The following USH2A variants were observed in gnomAD, a reference collection of about 807,000 sequenced individuals.
USH2A encodes Usher syndrome 2A (autosomal recessive, mild).
Under a neutral mutation model 538.9 loss-of-function variants are expected in USH2A, and 443 were observed. That is an observed-to-expected ratio of 0.82 (90% CI 0.76 to 0.89). The LOEUF is 0.89. Ranked by LOEUF, USH2A falls within the 40% of genes least tolerant of loss-of-function variation. The pLI is 0.00. For synonymous variants in USH2A, 2,413 were observed against 2,273.5 expected, an observed-to-expected ratio of 1.06 and a Z score of -1.75; for missense variants, 6,633 against 6,324.8, an observed-to-expected ratio of 1.05 and a Z score of -1.65.
intron 52 of USH2A, among the ~76,000 whole-genome samples, chr1:215,786,044 G>C (rs1661791501): frequency 6.6e-6 from 1 of 151,860 alleles, no homozygotes; most frequent in South Asian, 2.1e-4. Flanking sequence ...AAATTTAATT[G>C]ATGGCAGAAC....
chr1:215,756,900 G>C (rs976634846), intron 58 of USH2A, among the ~76,000 whole-genome samples: 3 of 151,538 alleles, frequency 2.0e-5, no homozygotes, highest in Admixed American at 2.0e-4. Context: ...GTGACAGAGA[G>C]AGAGACCCGG....
chr1:215,995,153 AT>A (rs1353509380), intron 34 of USH2A, among the ~76,000 whole-genome samples: 1 of 152,160 alleles, frequency 6.6e-6, no homozygotes, highest in Non-Finnish European at 1.5e-5. Context: ...ATAAGTATAT[AT>A]TTTTAAAACA....
rs147603877 is a variant in USH2A, at chr1:215,862,749, T to G, written c.8845+4258A>C. ...ATTACTAATTGTTAAACATATATTA[T>G]TTCATTTAGTCCTTAACAGATTTCA... On this transcript the variant is annotated intron_variant, in intron 44 of 71. Coordinates refer to ENST00000307340, the MANE Select transcript of USH2A (RefSeq NM_206933.4). 4.6e-3 allele frequency among the ~76,000 whole-genome samples: 701 copies of G among 152,282 alleles called. 5 individuals carry two copies. The highest frequency in any genetic ancestry group is 0.016 in the African/African-American group (672 of 41,576).
chr1:215,902,521 G>T (rs866147228), intron 38 of USH2A, among the ~76,000 whole-genome samples: 8 of 152,128 alleles, frequency 5.3e-5, no homozygotes, highest in African/African-American at 7.2e-5. Flanking sequence ...ACATTCAAGT[G>T]GAGGGAGCAG....
intron 40 of USH2A, among the ~76,000 whole-genome samples, chr1:215,890,544 C>A (rs1188693089): frequency 6.6e-6 from 1 of 152,086 alleles, no homozygotes; most frequent in Non-Finnish European, 1.5e-5. Context: ...GGTAATGTAT[C>A]CTATTTGAAG....
chr1:216,365,813 T>C (rs2038585351), intron 3 of USH2A, among the ~76,000 whole-genome samples: 1 of 152,120 alleles, frequency 6.6e-6, no homozygotes, highest in Non-Finnish European at 1.5e-5. Flanking sequence ...ACAGACAATA[T>C]ATAAACAAAT....
intron 58 of USH2A, among the ~76,000 whole-genome samples, chr1:215,755,023 T>C (rs1169954961): frequency 6.6e-6 from 1 of 152,222 alleles, no homozygotes; most frequent in Admixed American, 6.5e-5. Flanking sequence ...GGCACGCCAC[T>C]ACACACCCAG....
chr1:215,846,094 A>G, intron 44 of USH2A, 61 bp from the exon 45 acceptor site: 1 of 1,449,418 alleles, frequency 6.9e-7, no homozygotes, highest in Non-Finnish European at 9.6e-7. Context: ...GAAAAAAAAA[A>G]TTCTATCATT....
chr1:216,014,829 G>A (rs1266043408), intron 32 of USH2A, among the ~76,000 whole-genome samples: 2 of 152,152 alleles, frequency 1.3e-5, no homozygotes, highest in Non-Finnish European at 2.9e-5. Context: ...TGAATTATGT[G>A]CTATTTTACG....
chr1:216,051,893 C>A (rs74143919), intron 30 of USH2A, among the ~76,000 whole-genome samples: 4,144 of 152,230 alleles, frequency 0.027, 210 homozygotes, highest in African/African-American at 0.094. Context: ...CTTTCCAAAT[C>A]ATAACTAGAG....
intron 30 of USH2A, among the ~76,000 whole-genome samples, chr1:216,057,952 A>C (rs1016125658): frequency 6.6e-6 from 1 of 152,220 alleles, no homozygotes; most frequent in Admixed American, 6.5e-5. Context: ...CCCTGAAGCT[A>C]GGTACAGCCA....
chr1:215,915,254 C>G (rs939153624), intron 38 of USH2A, among the ~76,000 whole-genome samples: 1 of 152,012 alleles, frequency 6.6e-6, no homozygotes, highest in Non-Finnish European at 1.5e-5. Flanking sequence ...ATTAGCCAAA[C>G]CAGACCTTTG....
At chr1:215,870,107 T>TTAATGGGGTAGC (rs1664583897) in intron 43 of USH2A, among the ~76,000 whole-genome samples, 1 of 97,146 alleles carries the variant, frequency 1.0e-5, no homozygotes, top group Non-Finnish European at 2.0e-5. Context: ...GCACAACTAG[T>TTAATGGGGTAGC]TAATGGGGTA....
Position 216,217,407 on chromosome 1 carries a change from T to C in USH2A, c.3137A>G (p.Asn1046Ser), listed in dbSNP as rs1170143437. 1.9e-6 allele frequency: 3 copies of C among 1,613,102 alleles called. No individual in the cohort carries two copies. Among genetic ancestry groups the C allele is most frequent in the Non-Finnish European group, 1.7e-6 (2 of 1,179,346 alleles). Residue 1046 changes from asparagine to serine, a missense_variant, in exon 15 of 72, where the codon AAT becomes AGT. By Grantham distance (46) the Asn-to-Ser change is conservative (BLOSUM62 1). Transcript: ENST00000307340. ...VPSASHLDVNNLLGCSKTPFQ... is the reference protein window; with the variant it reads ...VPSASHLDVNSLLGCSKTPFQ... ...CTTACTTTTGCTGCAACCCAATAGATTGTTGACATCCAAGTGGCTTGCACT... is the reference window on the plus strand; with the variant it reads ...CTTACTTTTGCTGCAACCCAATAGACTGTTGACATCCAAGTGGCTTGCACT...
intron 9 of USH2A, among the ~76,000 whole-genome samples, chr1:216,295,887 C>T (rs965129995): frequency 2.6e-5 from 4 of 151,814 alleles, no homozygotes; most frequent in African/African-American, 7.3e-5. Context: ...AATAGTAACA[C>T]ATATTTAGTA....
rs1057070951 is a variant in USH2A, at chr1:215,914,651, C to T, written c.7301-13746G>A. 3.3e-5 allele frequency among the ~76,000 whole-genome samples: 5 copies of T among 152,254 alleles called. No individual in the cohort carries two copies. In the South Asian group the frequency reaches 6.2e-4, roughly 19 times the overall value. ...CTAAGTACCTTGATCTATCCAATAT[C>T]TCCTTAGGGAATTCTTAAGTAGCCA... On this transcript the variant is annotated intron_variant, in intron 38 of 71. Transcript: ENST00000307340.
At chr1:216,052,747 A>G (rs2030836660) in intron 30 of USH2A, among the ~76,000 whole-genome samples, 2 of 152,200 alleles carry the variant, frequency 1.3e-5, no homozygotes, top group Admixed American at 1.3e-4. Context: ...AGGTCATTTT[A>G]TTGTTGGAGA....
chr1:216,070,118 T>C lies in USH2A; in HGVS notation c.6032A>G (p.Asn2011Ser), dbSNP rs1371723634. Residue 2011 changes from asparagine to serine, a missense_variant, in exon 30 of 72, where the codon AAT (asparagine) becomes AGT (serine). Physicochemically the swap from Asn to Ser is conservative, Grantham distance 46. Coordinates refer to ENST00000307340, the MANE Select transcript of USH2A (RefSeq NM_206933.4). ...GCATTTACCTGTGAGGTTGCTTGTA[T>C]TGACAAATTCAGCACTGGCAGAGGG... ...RMPSASAEFVNTSNLTGILTG... is the reference protein window; with the variant it reads ...RMPSASAEFVSTSNLTGILTG... 3 of 1,613,876 alleles carry C rather than the reference T, an allele frequency of 1.9e-6. No homozygotes were observed. Among genetic ancestry groups the C allele is most frequent in the Admixed American group, 1.7e-5 (1 of 59,978 alleles).
At chr1:216,157,131 C>G (rs1046393055) in intron 21 of USH2A, among the ~76,000 whole-genome samples, 1 of 152,238 alleles carries the variant, frequency 6.6e-6, no homozygotes, top group Admixed American at 6.5e-5. Flanking sequence ...CTCGGCCTCC[C>G]AAAGTGCTGG....
Sources: gnomAD v4.1 joint callset for allele counts (sites outside exome capture counted in the v4.1 genomes callset) on GRCh38, gnomAD v4.1.1 for gene constraint, MANE v1.5 for transcripts, NCBI Gene and HGNC (gene_info 2026-07-23, HGNC 2026-07-21) for gene names.